The following GRM5 variants were observed in gnomAD, a reference collection of about 807,000 sequenced individuals.
GRM5 encodes the protein metabotropic glutamate receptor 5.
A neutral mutation model predicts 83.1 loss-of-function variants in GRM5; 19 were observed. The observed-to-expected ratio is 0.23, with a 90% CI of 0.16 to 0.34. GRM5 has a LOEUF of 0.34. Among genes scored for constraint, GRM5 ranks in the 10% least tolerant of loss-of-function variants. The probability of loss-of-function intolerance (pLI) is 1.00; values close to 1 mark genes in which losing one functional copy is unlikely to be tolerated. For synonymous variants in GRM5, 675 were observed against 633.6 expected, an observed-to-expected ratio of 1.07 and a Z score of -0.98; for missense variants, 1,160 against 1,588.3, an observed-to-expected ratio of 0.73 and a Z score of 4.58.
intron 8 of GRM5, among the ~76,000 whole-genome samples, chr11:88,542,124 G>A (rs1435520487): frequency 6.6e-6 from 1 of 152,144 alleles, no homozygotes; most frequent in Non-Finnish European, 1.5e-5. Context: ...ATCTCATGTA[G>A]TACCTTTATA....
chr11:88,716,104 A>C (rs1941394230), intron 3 of GRM5, among the ~76,000 whole-genome samples: 1 of 151,984 alleles, frequency 6.6e-6, no homozygotes, highest in African/African-American at 2.4e-5. Context: ...AAGGCAAAAA[A>C]AGGATGAGAG....
intron 6 of GRM5, 39 bp downstream of exon 6, chr11:88,597,145 T>G (rs201850316): frequency 2.9e-6 from 4 of 1,393,150 alleles, no homozygotes; most frequent in Non-Finnish European, 2.9e-6. Flanking sequence ...CACTGTTGAA[T>G]TTACAACAAA....
intron 2 of GRM5, among the ~76,000 whole-genome samples, chr11:88,926,516 A>T (rs1008110218): frequency 1.3e-5 from 2 of 152,182 alleles, no homozygotes; most frequent in Non-Finnish European, 2.9e-5. Context: ...CTTTCCATCC[A>T]TTCAGTCTTT....
At chr11:89,052,790 A>G (rs1941788148) in intron 1 of GRM5, among the ~76,000 whole-genome samples, 1 of 152,170 alleles carries the variant, frequency 6.6e-6, no homozygotes, top group African/African-American at 2.4e-5. Flanking sequence ...ATTTCCTTTG[A>G]GTGTCACATG....
At chr11:88,631,682 T>C (rs1938974332) in intron 4 of GRM5, among the ~76,000 whole-genome samples, 1 of 152,166 alleles carries the variant, frequency 6.6e-6, no homozygotes, top group Non-Finnish European at 1.5e-5. Context: ...TCCTGTTCAT[T>C]TCACAGCATG....
intron 3 of GRM5, among the ~76,000 whole-genome samples, chr11:88,798,805 C>CAAAAAAAAAAAAAAAAAAAA (rs4002396): frequency 3.6e-4 from 20 of 55,350 alleles, no homozygotes; most frequent in African/African-American, 1.1e-3. Flanking sequence ...ATGAAAACAC[C>CAAAAAAAAAAAAAAAAAAAA]AAAAAAAAAA....
intron 3 of GRM5, among the ~76,000 whole-genome samples, chr11:88,682,119 A>C (rs1940511158): frequency 6.6e-6 from 1 of 152,208 alleles, no homozygotes; most frequent in Non-Finnish European, 1.5e-5. Context: ...ACTGAGAGTC[A>C]GGGCCTCCAA....
chr11:88,866,176 G>A (rs535076899), intron 2 of GRM5, among the ~76,000 whole-genome samples: 85 of 152,142 alleles, frequency 5.6e-4, no homozygotes, highest in Admixed American at 1.8e-3. Flanking sequence ...GTGATAGACT[G>A]GATAAAGAAA....
chr11:89,065,576 T>C (rs2135179756), intron 1 of GRM5, among the ~76,000 whole-genome samples, 200 bp downstream of exon 1: 2 of 152,206 alleles, frequency 1.3e-5, no homozygotes, highest in Middle Eastern at 6.8e-3. Flanking sequence ...GGGTGACTTT[T>C]CTAAACTTGC....
At chr11:88,879,402 A>G (rs621131) in intron 2 of GRM5, among the ~76,000 whole-genome samples, 41,678 of 151,354 alleles carry the variant, frequency 0.28, 6,092 homozygotes, top group South Asian at 0.52. Flanking sequence ...ATACCATAAA[A>G]GAGCTTAAGT....
At chr11:88,516,811 C>T (rs1325783242) in intron 9 of GRM5, among the ~76,000 whole-genome samples, 1 of 151,816 alleles carries the variant, frequency 6.6e-6, no homozygotes, top group Non-Finnish European at 1.5e-5. Flanking sequence ...GGATGCTGAG[C>T]ACTGTATCTT....
At chr11:88,940,459 C>T (rs1302076388) in intron 2 of GRM5, among the ~76,000 whole-genome samples, 23 of 150,098 alleles carry the variant, frequency 1.5e-4, no homozygotes, top group Admixed American at 1.3e-4. Flanking sequence ...GGAGAAAGCG[C>T]TCCCATTATA....
chr11:88,668,672 G>T (rs1396162881), intron 3 of GRM5, among the ~76,000 whole-genome samples: 1 of 152,034 alleles, frequency 6.6e-6, no homozygotes, highest in African/African-American at 2.4e-5. Context: ...GGTAACAAGA[G>T]GTCTGTCTTA....
At chr11:88,726,342 A>C (rs929637999) in intron 3 of GRM5, among the ~76,000 whole-genome samples, 1 of 152,182 alleles carries the variant, frequency 6.6e-6, no homozygotes, top group Non-Finnish European at 1.5e-5. Context: ...TTAGAGAAAA[A>C]AGAATGAAAA....
intron 3 of GRM5, among the ~76,000 whole-genome samples, chr11:88,791,032 G>C (rs776663188): frequency 1.5e-4 from 23 of 152,174 alleles, no homozygotes; most frequent in Non-Finnish European, 2.9e-4. Context: ...AATTGGAATG[G>C]TAAGAAATTA....
intron 2 of GRM5, among the ~76,000 whole-genome samples, chr11:88,861,072 T>C (rs1018307874): frequency 3.3e-5 from 5 of 152,200 alleles, no homozygotes; most frequent in African/African-American, 1.2e-4. Context: ...TTAAATTTAA[T>C]ATCATTTATT....
chr11:88,850,240 G>T, intron 2 of GRM5, 85 bp from the exon 3 acceptor site: 1 of 737,756 alleles, frequency 1.4e-6, no homozygotes, highest in Non-Finnish European at 2.3e-6. Context: ...GGTGTTAGGA[G>T]CATGAAAGTC....
In GRM5 at chr11:88,660,830, A is replaced by G. The variant is rs145128687; in HGVS notation, c.912-7427T>C. On this transcript the variant is annotated intron_variant, in intron 3 of 9. Coordinates refer to ENST00000305447, the MANE Select transcript of GRM5 (RefSeq NM_001143831.3). ...TGCTATTCCCTCTGCACAGAGTGCC[A>G]TTCTTTTAACTTCTCACATGTTTTC... Among the ~76,000 whole-genome samples, 1,399 of 152,304 alleles carry G rather than the reference A, an allele frequency of 9.2e-3. 25 individuals are homozygous for G. The highest frequency in any genetic ancestry group is 0.032 in the African/African-American group (1,323 of 41,570).
At chr11:88,882,359 G>C (rs915707554) in intron 2 of GRM5, among the ~76,000 whole-genome samples, 6 of 150,354 alleles carry the variant, frequency 4.0e-5, no homozygotes, top group Admixed American at 1.3e-4. Flanking sequence ...AGACCATCCT[G>C]GCTAACACGG....
Sources: allele counts gnomAD v4.1 joint callset (sites outside exome capture counted in the v4.1 genomes callset), GRCh38; gene constraint gnomAD v4.1.1; transcripts MANE v1.5; gene names NCBI Gene and HGNC (gene_info 2026-07-23, HGNC 2026-07-21).